The following PARD3B variants were observed in gnomAD, a reference collection of about 807,000 sequenced individuals.
PARD3B encodes the protein partitioning defective 3 homolog B.
In PARD3B, 103 loss-of-function variants were observed where a neutral mutation model predicts 130.2. The ratio of observed to expected loss-of-function variants is 0.79; its 90% CI spans 0.67 to 0.93. PARD3B has a LOEUF of 0.93. Among genes scored for constraint, PARD3B ranks in the 40% least tolerant of loss-of-function variants. PARD3B has a pLI of 0.00. For synonymous variants in PARD3B, 583 were observed against 553.2 expected (o/e 1.05, Z -0.76); for missense variants, 1,609 against 1,499.2 (o/e 1.07, Z -1.21).
At chr2:205,039,234 A>G (rs755819705) in intron 3 of PARD3B, among the ~76,000 whole-genome samples, 10 of 152,148 alleles carry the variant, frequency 6.6e-5, no homozygotes, top group Non-Finnish European at 1.2e-4. Context: ...TTTATTGAGT[A>G]TTGATGGGAG....
chr2:205,033,574 C>T (rs1212717012), intron 3 of PARD3B, among the ~76,000 whole-genome samples: 1 of 152,136 alleles, frequency 6.6e-6, no homozygotes, highest in African/African-American at 2.4e-5. Context: ...TATCAATATT[C>T]ATGCAAGGGT....
intron 18 of PARD3B, among the ~76,000 whole-genome samples, chr2:205,369,390 G>A (rs373567287): frequency 1.1e-4 from 16 of 152,072 alleles, no homozygotes; most frequent in African/African-American, 2.9e-4. Context: ...TCTTTCTCCC[G>A]TGTCCCATTT....
intron 18 of PARD3B, among the ~76,000 whole-genome samples, chr2:205,387,361 T>A (rs1392784538): frequency 6.6e-6 from 1 of 152,258 alleles, no homozygotes; most frequent in Non-Finnish European, 1.5e-5. Flanking sequence ...GCTCAGGCTT[T>A]CCTTACCAAA....
At chr2:205,072,240 C>CT (rs34061560) in intron 4 of PARD3B, among the ~76,000 whole-genome samples, 180 of 140,526 alleles carry the variant, frequency 1.3e-3, no homozygotes, top group Middle Eastern at 3.7e-3. Context: ...AATTCAGGTC[C>CT]TTTTTTTTTT....
intron 2 of PARD3B, among the ~76,000 whole-genome samples, chr2:204,728,068 C>A (rs765652719): frequency 6.6e-6 from 1 of 152,198 alleles, no homozygotes; most frequent in African/African-American, 2.4e-5. Context: ...GCACTTAGCG[C>A]GGGAGGATGC....
intron 1 of PARD3B, among the ~76,000 whole-genome samples, chr2:204,551,794 C>G (rs368923033): frequency 5.3e-5 from 8 of 152,158 alleles, no homozygotes; most frequent in Non-Finnish European, 1.5e-5. Context: ...AGAAGTTGGG[C>G]AAATGGTAAT....
chr2:205,072,442 G>T (rs534809073), intron 4 of PARD3B, among the ~76,000 whole-genome samples: 1 of 151,872 alleles, frequency 6.6e-6, no homozygotes, highest in Non-Finnish European at 1.5e-5. Context: ...GTAGAGACGG[G>T]GTTTCACCAC....
rs962061106 is a variant in PARD3B at position 205,152,214 on chromosome 2, G to A, written c.1435-6508G>A. Among the ~76,000 whole-genome samples, 3 of 152,120 alleles carry A rather than the reference G, an allele frequency of 2.0e-5. No individual in the cohort carries two copies. In the East Asian group the frequency reaches 5.8e-4, roughly 29 times the overall value. On this transcript the variant is annotated intron_variant, in intron 10 of 22. Coordinates refer to ENST00000406610, the MANE Select transcript of PARD3B (RefSeq NM_001302769.2). Reference sequence around the variant, plus strand: ...ACATTTTTTCCTTCATTTCAACCTTGGTGAATCTGACAGTTATGTGTTTTG... The same window carrying A: ...ACATTTTTTCCTTCATTTCAACCTTAGTGAATCTGACAGTTATGTGTTTTG...
intron 3 of PARD3B, among the ~76,000 whole-genome samples, chr2:205,041,230 C>A (rs192728639): frequency 3.5e-4 from 54 of 152,222 alleles, no homozygotes; most frequent in African/African-American, 1.3e-3. Context: ...TTTGTGAATG[C>A]CCACCCTATT....
chr2:205,050,443 A>T, intron 4 of PARD3B, among the ~76,000 whole-genome samples: 1 of 151,750 alleles, frequency 6.6e-6, no homozygotes, highest in East Asian at 1.9e-4. Context: ...ATCCTTGCAT[A>T]GCCAAACTTA....
intron 3 of PARD3B, among the ~76,000 whole-genome samples, chr2:205,004,816 G>T (rs368133551): frequency 6.6e-6 from 1 of 152,130 alleles, no homozygotes; most frequent in Non-Finnish European, 1.5e-5. Context: ...GCTATTCGTT[G>T]GTTCAACCTG....
chr2:205,538,258 G>T (rs567602164), intron 21 of PARD3B, among the ~76,000 whole-genome samples: 27 of 152,280 alleles, frequency 1.8e-4, no homozygotes, highest in African/African-American at 6.0e-4. Flanking sequence ...TGTCTGACAG[G>T]CTTCCCAGAG....
At chr2:205,191,411 C>G (rs937791222) in intron 14 of PARD3B, among the ~76,000 whole-genome samples, 3 of 152,194 alleles carry the variant, frequency 2.0e-5, no homozygotes, top group African/African-American at 7.2e-5. Flanking sequence ...TCCTAACCAT[C>G]AAACCACATC....
At chr2:205,394,337 T>G (rs2045954156) in intron 18 of PARD3B, among the ~76,000 whole-genome samples, 1 of 152,202 alleles carries the variant, frequency 6.6e-6, no homozygotes, top group Admixed American at 6.5e-5. Flanking sequence ...GAAACCATTT[T>G]TCTTATACAT....
chr2:205,557,575 G>T (rs1355814954), intron 22 of PARD3B, among the ~76,000 whole-genome samples: 3 of 152,188 alleles, frequency 2.0e-5, no homozygotes, highest in Non-Finnish European at 4.4e-5. Flanking sequence ...CCACCTGTGT[G>T]GCCTTGGGCA....
chr2:205,107,360 G>A (rs899848952), intron 5 of PARD3B, among the ~76,000 whole-genome samples: 4 of 152,058 alleles, frequency 2.6e-5, no homozygotes, highest in Admixed American at 1.3e-4. Flanking sequence ...GTGCAATCTT[G>A]GACTAATTAC....
At chr2:204,617,403 G>T (rs2034148429) in intron 1 of PARD3B, among the ~76,000 whole-genome samples, 1 of 151,954 alleles carries the variant, frequency 6.6e-6, no homozygotes, top group South Asian at 2.1e-4. Context: ...TTTTTCTGTT[G>T]CTTTCCCAGG....
intron 2 of PARD3B, among the ~76,000 whole-genome samples, chr2:204,783,059 C>G (rs757596088): frequency 6.6e-6 from 1 of 152,178 alleles, no homozygotes; most frequent in Non-Finnish European, 1.5e-5. Context: ...GTTATCTGTG[C>G]CATAAACTCT....
At chr2:205,056,588 T>TA (rs113184973) in intron 4 of PARD3B, among the ~76,000 whole-genome samples, 11,707 of 143,984 alleles carry the variant, frequency 0.081, 502 homozygotes, top group Middle Eastern at 0.24. Flanking sequence ...CTAAAACCAT[T>TA]AAAAAAAAAA....
Sources: gnomAD v4.1 joint callset for allele counts (sites outside exome capture counted in the v4.1 genomes callset) on GRCh38, gnomAD v4.1.1 for gene constraint, MANE v1.5 for transcripts, NCBI Gene and HGNC (gene_info 2026-07-23, HGNC 2026-07-21) for gene names.